The following MAP2K5 variants were observed in gnomAD, a reference collection of about 807,000 sequenced individuals.
MAP2K5 encodes dual specificity mitogen-activated protein kinase kinase 5.
Under a neutral mutation model 83.1 loss-of-function variants are expected in MAP2K5, and 49 were observed. The observed-to-expected ratio is 0.59, with a 90% CI of 0.47 to 0.75. The LOEUF is 0.75. Ranked by LOEUF, MAP2K5 falls within the 30% of genes least tolerant of loss-of-function variation. The pLI is 0.00. For missense variants in MAP2K5, 457 were observed against 557.5 expected (o/e 0.82, Z 1.82); for synonymous variants, 202 against 191.8 (o/e 1.05, Z -0.44).
chr15:67,650,704 T>G (rs1215767346), intron 11 of MAP2K5, among the ~76,000 whole-genome samples: 2 of 152,158 alleles, frequency 1.3e-5, no homozygotes, highest in African/African-American at 2.4e-5. Flanking sequence ...TGTGTAATTC[T>G]TTTTATATGT....
intron 15 of MAP2K5, among the ~76,000 whole-genome samples, chr15:67,699,376 A>G (rs1227604230): frequency 6.6e-6 from 1 of 152,176 alleles, no homozygotes; most frequent in Non-Finnish European, 1.5e-5. Flanking sequence ...AGAAGCCTAA[A>G]TGGCTAACCT....
At chr15:67,590,442 C>CCTCTCTCTCTCTCTCTCTCTCT (rs2085378235) in intron 6 of MAP2K5, among the ~76,000 whole-genome samples, 1 of 5,824 alleles carries the variant, frequency 1.7e-4, no homozygotes, top group African/African-American at 3.8e-4. Context: ...TCTCTCCCTC[C>CCTCTCTCTCTCTCTCTCTCTCT]CTCCCTCTCT....
chr15:67,727,989 C>G (rs754758691), intron 17 of MAP2K5, 44 bp downstream of exon 17: 1 of 1,536,372 alleles, frequency 6.5e-7, no homozygotes, highest in Admixed American at 1.7e-5. Flanking sequence ...GACATTCATT[C>G]CTATGTATGA....
intron 19 of MAP2K5, among the ~76,000 whole-genome samples, chr15:67,754,549 AT>A (rs1376386491): frequency 2.0e-5 from 3 of 152,178 alleles, no homozygotes; most frequent in Non-Finnish European, 4.4e-5. Context: ...CATGAATTAG[AT>A]TTGATTCATT....
intron 17 of MAP2K5, among the ~76,000 whole-genome samples, chr15:67,734,506 C>A (rs114192272): frequency 3.3e-5 from 5 of 152,044 alleles, no homozygotes; most frequent in African/African-American, 7.2e-5. Context: ...ACATTGAGCA[C>A]TTTTCAAATG....
chr15:67,557,929 C>T (rs3985642), intron 2 of MAP2K5, among the ~76,000 whole-genome samples: 152,133 of 152,350 alleles, frequency 1, 75,958 homozygotes, highest in Non-Finnish European at 1. Flanking sequence ...ATGGTCACAA[C>T]AAACCTACAC....
At chr15:67,600,819 C>A in intron 8 of MAP2K5, 70 bp downstream of exon 8, 1 of 1,185,262 alleles carries the variant, frequency 8.4e-7, no homozygotes, top group Admixed American at 2.3e-5. Flanking sequence ...TTCTCTGTGG[C>A]AAAGATTTTT....
chr15:67,699,436 G>A lies in MAP2K5; in HGVS notation c.973-3901G>A, dbSNP rs1013670508. Among the ~76,000 whole-genome samples, 6 of 152,120 alleles carry A rather than the reference G, an allele frequency of 3.9e-5. 1 individual carries two copies. The highest frequency in any genetic ancestry group is 2.1e-4 in the South Asian group (1 of 4,824). Reference sequence around the variant, plus strand: ...AAACTGCTCCTCTTCCCCCAGTCCCGGGAAACTGAAGAGGAGGCATCTGGA... The same window carrying A: ...AAACTGCTCCTCTTCCCCCAGTCCCAGGAAACTGAAGAGGAGGCATCTGGA... On this transcript the variant is annotated intron_variant, in intron 15 of 21. Coordinates refer to ENST00000178640, the MANE Select transcript of MAP2K5 (RefSeq NM_145160.3).
chr15:67,757,546 C>T lies in MAP2K5; in HGVS notation c.1134+8945C>T, dbSNP rs1038467602. On this transcript the variant is annotated intron_variant, in intron 19 of 21. Transcript: ENST00000178640. The surrounding 1 kb of genome is among the most constrained non-coding windows in gnomAD (Gnocchi z 4.9). The stretch of plus-strand genomic sequence containing the variant: ...TGAAAACTACTGATGATAGCCCAAA[C>T]AGTCATTCTGTAAACCTGTGTTAAT... Among the ~76,000 whole-genome samples the T allele has an allele frequency of 6.6e-6, 1 of 152,164 alleles. No individual in the cohort carries two copies. The highest frequency in any genetic ancestry group is 2.4e-5 in the African/African-American group (1 of 41,434).
intron 7 of MAP2K5, among the ~76,000 whole-genome samples, chr15:67,598,818 A>G (rs1034357737): frequency 6.6e-5 from 10 of 152,188 alleles, no homozygotes; most frequent in Admixed American, 2.0e-4. Context: ...CTTAAACCTT[A>G]GTGCCACAAA....
chr15:67,567,379 A>G (rs1395700027), intron 3 of MAP2K5, among the ~76,000 whole-genome samples: 2 of 133,144 alleles, frequency 1.5e-5, no homozygotes, highest in Non-Finnish European at 3.1e-5. Flanking sequence ...TTTTTTTGAG[A>G]CAGAGTCTCG....
intron 21 of MAP2K5, among the ~76,000 whole-genome samples, chr15:67,797,433 T>G (rs2090623730): frequency 6.6e-6 from 1 of 152,196 alleles, no homozygotes; most frequent in Non-Finnish European, 1.5e-5. Context: ...TAACTCTTGA[T>G]TGTGAGTTTA....
rs889783634 is a variant in MAP2K5, at chr15:67,563,755, G to T, written c.252+405G>T. 1.3e-5 allele frequency among the ~76,000 whole-genome samples: 2 copies of T among 151,888 alleles called. No homozygotes were observed. The highest frequency in any genetic ancestry group is 4.8e-5 in the African/African-American group (2 of 41,336). Reference sequence around the variant, plus strand: ...ACTATAGTTTACAATGTAGCTGCAGGCTTAATATGGATACACGATTTAAAG... The same window carrying T: ...ACTATAGTTTACAATGTAGCTGCAGTCTTAATATGGATACACGATTTAAAG... On this transcript the variant is annotated intron_variant, in intron 3 of 21. Transcript: ENST00000178640. The surrounding 1 kb of genome is among the most constrained non-coding windows in gnomAD (Gnocchi z 4.5).
At chr15:67,642,032 A>G (rs2086723064) in intron 9 of MAP2K5, among the ~76,000 whole-genome samples, 1 of 152,142 alleles carries the variant, frequency 6.6e-6, no homozygotes, top group Non-Finnish European at 1.5e-5. Context: ...TGTTTTTTCC[A>G]TCATTTTGGA....
At chr15:67,662,783 T>G (rs1483883488) in intron 12 of MAP2K5, among the ~76,000 whole-genome samples, 2 of 152,300 alleles carry the variant, frequency 1.3e-5, no homozygotes, top group African/African-American at 4.8e-5. Flanking sequence ...AATGCAAATC[T>G]AATTCAGATG....
intron 21 of MAP2K5, among the ~76,000 whole-genome samples, chr15:67,799,697 A>T (rs1199097452): frequency 6.6e-6 from 1 of 152,216 alleles, no homozygotes; most frequent in Non-Finnish European, 1.5e-5. Context: ...TCAGCATGAG[A>T]TGGCAGGCCA....
chr15:67,628,079 C>G, intron 8 of MAP2K5: 1 of 748,708 alleles, frequency 1.3e-6, no homozygotes, highest in East Asian at 2.8e-5. Flanking sequence ...CAAGGCCACG[C>G]AAGGTGGACG....
chr15:67,543,261 A>G lies in MAP2K5; in HGVS notation c.-75A>G. The G allele has an allele frequency of 6.6e-7, 1 of 1,509,476 alleles. No homozygotes were observed. Among genetic ancestry groups the G allele is most frequent in the Non-Finnish European group, 9.2e-7 (1 of 1,092,402 alleles). 93.5% of individuals were successfully genotyped at this position (1,509,476 alleles called of 1,614,324 possible). A position where few individuals can be genotyped will look rare whatever the true frequency, so the allele number is the denominator to read the frequency against. On this transcript the variant is annotated 5_prime_UTR_variant, in exon 1 of 22. Coordinates refer to ENST00000178640, the MANE Select transcript of MAP2K5 (RefSeq NM_145160.3). The surrounding 1 kb of genome is among the most constrained non-coding windows in gnomAD (Gnocchi z 4.3). ...TCCTCTGCCCGTCACTCCCCTTGTC[A>G]CCTCTTGGAGCCCCCTCCTAACCAG...
intron 12 of MAP2K5, among the ~76,000 whole-genome samples, 192 bp from the exon 13 acceptor site, chr15:67,664,405 G>A (rs2087319416): frequency 6.6e-6 from 1 of 150,996 alleles, no homozygotes; most frequent in South Asian, 2.1e-4. Flanking sequence ...GGCAGCTGAG[G>A]TGGAAGGATT....
Sources: allele counts gnomAD v4.1 joint callset (sites outside exome capture counted in the v4.1 genomes callset), GRCh38; gene constraint gnomAD v4.1.1; non-coding constraint Gnocchi (gnomAD v3.1); transcripts MANE v1.5; gene names NCBI Gene and HGNC (gene_info 2026-07-23, HGNC 2026-07-21).